SOX5: variants seen among roughly 807,000 people sequenced by gnomAD.
The protein encoded by SOX5 is SRY-box transcription factor 5.
In SOX5, 9 loss-of-function variants were observed where a neutral mutation model predicts 92.0. The observed-to-expected ratio is 0.10, with a 90% confidence interval of 0.06 to 0.17. SOX5 has a LOEUF of 0.17. Among genes scored for constraint, SOX5 ranks in the 10% least tolerant of loss-of-function variants. The probability of loss-of-function intolerance (pLI) is 1.00; values close to 1 mark genes in which losing one functional copy is unlikely to be tolerated. For synonymous variants in SOX5, 344 were observed against 336.3 expected (o/e 1.02, Z -0.25); for missense variants, 642 against 944.5 (o/e 0.68, Z 4.20).
At chr12:24,004,842 C>T (rs1396810751) in intron 4 of SOX5, among the ~76,000 whole-genome samples, 1 of 150,682 alleles carries the variant, frequency 6.6e-6, no homozygotes, top group Non-Finnish European at 1.5e-5. Context: ...CACAATAGAC[C>T]AAAAAAAATT....
chr12:24,398,607 C>T (rs1960677089), intron 1 of SOX5, among the ~76,000 whole-genome samples: 1 of 151,762 alleles, frequency 6.6e-6, no homozygotes, highest in Admixed American at 6.6e-5. Flanking sequence ...GGTTTGTGCC[C>T]TAAAAACAAA....
chr12:24,499,133 G>T (rs1947933096), intron 1 of SOX5, among the ~76,000 whole-genome samples: 1 of 152,190 alleles, frequency 6.6e-6, no homozygotes, highest in Non-Finnish European at 1.5e-5. Flanking sequence ...CAGAAATTAA[G>T]TGTTTTTAAA....
At chr12:24,315,210 T>C (rs572447172) in intron 2 of SOX5, among the ~76,000 whole-genome samples, 27 of 152,324 alleles carry the variant, frequency 1.8e-4, no homozygotes, top group African/African-American at 5.1e-4. Flanking sequence ...TCTTACTAAC[T>C]AGGTCTAGAT....
chr12:23,719,695 A>C (rs2092700379), intron 6 of SOX5, among the ~76,000 whole-genome samples: 1 of 142,322 alleles, frequency 7.0e-6, no homozygotes, highest in South Asian at 2.4e-4. Context: ...GCCCCTGCCC[A>C]GTTTGAGGCT....
intron 6 of SOX5, among the ~76,000 whole-genome samples, chr12:23,693,246 C>T (rs996654630): frequency 6.6e-6 from 1 of 152,198 alleles, no homozygotes; most frequent in East Asian, 1.9e-4. Flanking sequence ...GCCTCAGCCT[C>T]TCAAGTAGCT....
chr12:23,548,384 G>A (rs965042648), intron 11 of SOX5, among the ~76,000 whole-genome samples: 1 of 151,922 alleles, frequency 6.6e-6, no homozygotes, highest in Non-Finnish European at 1.5e-5. Context: ...CACCACTAAT[G>A]CACCCAATAT....
At chr12:23,953,054 G>A (rs1358720122), upstream of SOX5, among the ~76,000 whole-genome samples, 1 of 152,098 alleles carries the variant, frequency 6.6e-6, no homozygotes, top group African/African-American at 2.4e-5. Flanking sequence ...CTGTCATTAA[G>A]CTAATACTGT....
chr12:24,365,869 A>G (rs974717500), intron 2 of SOX5, among the ~76,000 whole-genome samples: 30 of 152,030 alleles, frequency 2.0e-4, no homozygotes, highest in Admixed American at 1.3e-4. Context: ...ATACTAGCAA[A>G]GAAGCACCCC....
At chr12:24,385,314 G>T (rs1160110633) in intron 1 of SOX5, among the ~76,000 whole-genome samples, 1 of 152,110 alleles carries the variant, frequency 6.6e-6, no homozygotes, top group Non-Finnish European at 1.5e-5. Context: ...CATAGGCTTT[G>T]TGTTAGATGG....
At chr12:23,888,413 CTT>C (rs11331339) in intron 2 of SOX5, among the ~76,000 whole-genome samples, 1 of 148,670 alleles carries the variant, frequency 6.7e-6, no homozygotes, top group Non-Finnish European at 1.5e-5. Flanking sequence ...TCCCATAGCA[CTT>C]TTTTTTTTTC....
intron 4 of SOX5, among the ~76,000 whole-genome samples, chr12:24,149,863 A>T (rs1196806203): frequency 6.6e-6 from 1 of 152,216 alleles, no homozygotes; most frequent in African/African-American, 2.4e-5. Context: ...GATACACACA[A>T]TGACATGGAT....
intron 3 of SOX5, among the ~76,000 whole-genome samples, chr12:24,266,447 T>C (rs1053335737): frequency 3.9e-5 from 6 of 152,146 alleles, no homozygotes; most frequent in Non-Finnish European, 8.8e-5. Context: ...TTGACACAAC[T>C]GGACACAGAA....
intron 2 of SOX5, among the ~76,000 whole-genome samples, chr12:24,348,362 TCC>T (rs1953603471): frequency 5.6e-5 from 3 of 53,710 alleles, no homozygotes; most frequent in Non-Finnish European, 1.3e-4. Flanking sequence ...CTCTATTGAC[TCC>T]TATTTATTTA....
intron 3 of SOX5, among the ~76,000 whole-genome samples, chr12:23,821,096 T>G (rs1045799622): frequency 3.9e-5 from 6 of 152,224 alleles, no homozygotes; most frequent in African/African-American, 1.4e-4. Context: ...CTCTCTTATT[T>G]CCTTGAGCAG....
intron 1 of SOX5, among the ~76,000 whole-genome samples, chr12:24,443,071 C>T (rs1940905136): frequency 6.6e-6 from 1 of 151,154 alleles, no homozygotes; most frequent in South Asian, 2.1e-4. Context: ...CCTGCCTCAG[C>T]CTCCCGAGTA....
At chr12:23,612,505 T>C (rs188486078) in intron 8 of SOX5, among the ~76,000 whole-genome samples, 2 of 152,264 alleles carry the variant, frequency 1.3e-5, no homozygotes, top group Middle Eastern at 3.4e-3. Flanking sequence ...AAGAACATTA[T>C]AGAGCTAAAA....
chr12:23,934,449 CATG>C (rs1365542468), intron 1 of SOX5, among the ~76,000 whole-genome samples: 3 of 148,668 alleles, frequency 2.0e-5, no homozygotes, highest in Non-Finnish European at 3.0e-5. Context: ...TATACACATA[CATG>C]ATGTATATGT....
At chr12:24,195,547 A>G (rs1374867415) in intron 4 of SOX5, among the ~76,000 whole-genome samples, 1 of 152,202 alleles carries the variant, frequency 6.6e-6, no homozygotes, top group Non-Finnish European at 1.5e-5. Flanking sequence ...ATTTAACATT[A>G]AGAATGGAAA....
intron 2 of SOX5, among the ~76,000 whole-genome samples, chr12:24,365,407 G>C (rs1054894372): frequency 6.6e-6 from 1 of 151,948 alleles, no homozygotes; most frequent in Non-Finnish European, 1.5e-5. Context: ...TCTTCACCTT[G>C]TTAAAAGGTT....
Sources: allele counts gnomAD v4.1 joint callset (sites outside exome capture counted in the v4.1 genomes callset), GRCh38; gene constraint gnomAD v4.1.1; transcripts MANE v1.5; gene names NCBI Gene and HGNC (gene_info 2026-07-23, HGNC 2026-07-21).